Variants in ENOX2 observed in about 807,000 individuals in gnomAD.
ENOX2 encodes the protein APK1 antigen.
In ENOX2, 36 loss-of-function variants were observed where a neutral mutation model predicts 45.0. The observed-to-expected ratio is 0.80, with a 90% CI of 0.61 to 1.06. ENOX2 has a LOEUF of 1.06. ENOX2 is among the 50% of genes least tolerant of loss of function. The pLI is 0.00. For missense variants in ENOX2, 423 were observed against 462.5 expected (o/e 0.91, Z 0.78); for synonymous variants, 174 against 152.3 (o/e 1.14, Z -1.05).
intron 2 of ENOX2, among the ~76,000 whole-genome samples, chrX:130,840,530 T>A (rs1603366590): frequency 9.6e-6 from 1 of 103,726 alleles, no homozygotes; most frequent in Admixed American, 1.0e-4. Flanking sequence ...AAAAAATAAA[T>A]AAATAAATAA....
chrX:130,870,572 T>TG (rs778406183), intron 2 of ENOX2, among the ~76,000 whole-genome samples: 1 of 111,303 alleles, frequency 9.0e-6, no homozygotes, highest in Admixed American at 9.5e-5. Context: ...AAACGTCAAC[T>TG]GGGGGGAAGA....
At chrX:130,717,973 A>G (rs1028647596) in intron 3 of ENOX2, among the ~76,000 whole-genome samples, 3 of 111,627 alleles carry the variant, frequency 2.7e-5, no homozygotes, top group Admixed American at 9.5e-5. Context: ...TAATTTCTAA[A>G]GGATTCTTTA....
intron 3 of ENOX2, among the ~76,000 whole-genome samples, chrX:130,745,828 C>T (rs1480431342): frequency 5.4e-5 from 6 of 111,895 alleles, no homozygotes; most frequent in Non-Finnish European, 1.9e-5. Context: ...TATAGATAGT[C>T]GTCTTTTTGA....
intron 3 of ENOX2, among the ~76,000 whole-genome samples, chrX:130,704,098 A>G (rs2037975447): frequency 8.9e-6 from 1 of 111,992 alleles, no homozygotes; most frequent in African/African-American, 3.3e-5. Context: ...GAAAGGTCAA[A>G]TATATTGTCC....
chrX:130,806,499 A>T (rs779619634), intron 2 of ENOX2, among the ~76,000 whole-genome samples: 43 of 112,172 alleles, frequency 3.8e-4, no homozygotes, highest in Non-Finnish European at 6.0e-4. Context: ...ATAAGAATTT[A>T]AAAAAAAATT....
intron 3 of ENOX2, among the ~76,000 whole-genome samples, chrX:130,732,477 T>G (rs1359864555): frequency 8.9e-6 from 1 of 112,007 alleles, no homozygotes; most frequent in Non-Finnish European, 1.9e-5. Context: ...CAGTGACATT[T>G]TATTTTCACA....
intron 11 of ENOX2, among the ~76,000 whole-genome samples, chrX:130,636,795 A>C (rs1301384820): frequency 8.9e-6 from 1 of 112,388 alleles, no homozygotes; most frequent in Non-Finnish European, 1.9e-5. Flanking sequence ...ATTTCTACTG[A>C]AATCAAGGGT....
At chrX:130,902,815 C>CA (rs763644761) in intron 1 of ENOX2, among the ~76,000 whole-genome samples, 2,260 of 48,769 alleles carry the variant, frequency 0.046, 47 homozygotes, top group African/African-American at 0.077. Flanking sequence ...CGAGTTGGAC[C>CA]AAAAAAAAAA....
intron 5 of ENOX2, among the ~76,000 whole-genome samples, chrX:130,688,540 G>A (rs182021732): frequency 8.9e-6 from 1 of 112,401 alleles, no homozygotes; most frequent in East Asian, 2.8e-4. Flanking sequence ...ATCAGCACAT[G>A]CGGCAGTTAC....
At chrX:130,724,945 T>C (rs1176022822) in intron 3 of ENOX2, among the ~76,000 whole-genome samples, 1 of 111,165 alleles carries the variant, frequency 9.0e-6, no homozygotes. Context: ...CAGTGCATAT[T>C]GGCTGACTAT....
intron 2 of ENOX2, among the ~76,000 whole-genome samples, chrX:130,853,377 T>C (rs1412353681): frequency 1.0e-5 from 1 of 96,117 alleles, no homozygotes; most frequent in African/African-American, 4.0e-5. Flanking sequence ...GGCAGGAGAA[T>C]GGCGTGAACC....
rs1036900938 is a variant in ENOX2 at position 130,800,224 on chromosome X, G to T, written c.-182-16534C>A. Among the ~76,000 whole-genome samples the T allele has an allele frequency of 3.4e-4, 38 of 110,296 alleles. No homozygotes were observed. The Admixed American group carries it at 3.7e-3, about 11-fold the overall frequency. On this transcript the variant is annotated intron_variant, in intron 2 of 14. Coordinates refer to ENST00000394363, the MANE Select transcript of ENOX2 (RefSeq NM_006375.4). ...TCTCTCTGCCAATGTTATAGGAATT[G>T]TTATTAAAGCCAAGCATGGTAGTTG...
chrX:130,685,616 G>A, intron 5 of ENOX2, among the ~76,000 whole-genome samples: 1 of 112,459 alleles, frequency 8.9e-6, no homozygotes, highest in East Asian at 2.8e-4. Flanking sequence ...CGCACTGTGT[G>A]AGGGAAAGAA....
intron 3 of ENOX2, chrX:130,709,401 G>A: frequency 1.4e-6 from 1 of 696,874 alleles, no homozygotes; most frequent in Non-Finnish European, 2.3e-6. Context: ...CACTTTGGGA[G>A]GCGGAGGTGG....
intron 2 of ENOX2, among the ~76,000 whole-genome samples, chrX:130,900,589 C>G (rs1314794806): frequency 8.9e-6 from 1 of 112,282 alleles, no homozygotes; most frequent in East Asian, 2.8e-4. Context: ...ATTGAATGAA[C>G]ATGCCCTACT....
intron 3 of ENOX2, among the ~76,000 whole-genome samples, chrX:130,775,882 T>C (rs2039845612): frequency 1.8e-5 from 2 of 111,270 alleles, no homozygotes; most frequent in Admixed American, 9.6e-5. Context: ...GCAGTAACCA[T>C]AAAAGTATTA....
chrX:130,783,409 C>T, intron 3 of ENOX2, 138 bp downstream of exon 3: 2 of 246,080 alleles, frequency 8.1e-6, no homozygotes, highest in Non-Finnish European at 1.5e-5. Flanking sequence ...ATAATGAGTT[C>T]CATGAGGACA....
intron 2 of ENOX2, among the ~76,000 whole-genome samples, chrX:130,867,597 T>C (rs1603374684): frequency 1.8e-5 from 2 of 111,999 alleles, no homozygotes; most frequent in Non-Finnish European, 3.8e-5. Context: ...TTAGTTAACA[T>C]CATGACTGGC....
In ENOX2 at chrX:130,705,066, G is replaced by C. The variant is rs770316187; in HGVS notation, c.-38-1812C>G. ...TTGGACTTCCAAGCCCCCAGCTAGG[G>C]GAGGTAAGTTTTTAGAGAATGTTAC... On this transcript the variant is annotated intron_variant, in intron 3 of 14. Coordinates refer to ENST00000394363, the MANE Select transcript of ENOX2 (RefSeq NM_006375.4). Among the ~76,000 whole-genome samples, 84 of 112,368 alleles carry C rather than the reference G, an allele frequency of 7.5e-4. 2 individuals carry two copies. The highest frequency in any genetic ancestry group is 1.3e-3 in the Non-Finnish European group (69 of 53,277).
Sources: allele counts gnomAD v4.1 joint callset (sites outside exome capture counted in the v4.1 genomes callset), GRCh38; gene constraint gnomAD v4.1.1; transcripts MANE v1.5; gene names NCBI Gene and HGNC (gene_info 2026-07-23, HGNC 2026-07-21).